The following MYLK4 variants were observed in gnomAD, a reference collection of about 807,000 sequenced individuals.
MYLK4 encodes the protein caMLCK like.
In MYLK4, 46 loss-of-function variants were observed where a neutral mutation model predicts 48.1. The ratio of observed to expected loss-of-function variants is 0.96; its 90% confidence interval spans 0.75 to 1.22. The LOEUF is 1.22. Among genes scored for constraint, MYLK4 ranks in the 50% most tolerant of loss-of-function variants. The pLI is 0.00. For synonymous variants in MYLK4, 170 were observed against 180.8 expected, an observed-to-expected ratio of 0.94 and a Z score of 0.48; for missense variants, 451 against 486.1, an observed-to-expected ratio of 0.93 and a Z score of 0.68.
intron 2 of MYLK4, among the ~76,000 whole-genome samples, chr6:2,724,692 C>A (rs1197253417): frequency 6.6e-6 from 1 of 152,054 alleles, no homozygotes; most frequent in Non-Finnish European, 1.5e-5. Context: ...TGTAATGATG[C>A]GGTGAACACA....
At chr6:2,678,194 CG>C (rs772868769) in intron 10 of MYLK4, 25 bp downstream of exon 10, 40 of 1,610,096 alleles carry the variant, frequency 2.5e-5, no homozygotes, top group Non-Finnish European at 3.3e-5. Flanking sequence ...CTACTGCGCC[CG>C]GAGCACAGGA....
Position 2,679,422 on chromosome 6 carries a change from G to A in MYLK4, c.759-14C>T. The A allele has an allele frequency of 6.2e-7, 1 of 1,614,130 alleles. No homozygotes were observed. The highest frequency in any genetic ancestry group is 8.5e-7 in the Non-Finnish European group (1 of 1,179,974). The stretch of plus-strand genomic sequence containing the variant: ...CTGGGTTTGTATCTGCAATTTAAGA[G>A]ACAAAGTGGAAGGATGGACGTGTCG... On this transcript the variant is annotated splice_polypyrimidine_tract_variant and intron_variant, in intron 8 of 12. Transcript: ENST00000274643.
Position 2,671,172 on chromosome 6 carries a change from G to A in MYLK4, c.*25+104C>T, listed in dbSNP as rs77931746. On this transcript the variant is annotated intron_variant, in intron 12 of 12. Coordinates refer to ENST00000274643, the MANE Select transcript of MYLK4 (RefSeq NM_001012418.5). ...CAGGGCCCTCCACGCCAGCCAAAACGCTGCTCTTCTTCCTGCATAGTCTGT... is the reference window on the plus strand; with the variant it reads ...CAGGGCCCTCCACGCCAGCCAAAACACTGCTCTTCTTCCTGCATAGTCTGT... 6.6e-3 allele frequency: 5,163 copies of A among 784,616 alleles called. 91 individuals carry two copies. The highest frequency in any genetic ancestry group is 0.048 in the African/African-American group (2,776 of 57,632). The allele number at this position is 784,616 out of a possible 1,614,324, so 48.6% of individuals were successfully genotyped here.
At chr6:2,758,247 A>G in the MYLK4 span, among the ~76,000 whole-genome samples, 1 of 152,106 alleles carries the variant, frequency 6.6e-6, no homozygotes, top group Non-Finnish European at 1.5e-5. Context: ...TCAACAGTGT[A>G]ACATCACTTA....
intron 2 of MYLK4, among the ~76,000 whole-genome samples, chr6:2,701,732 G>T (rs1013283490): frequency 2.6e-5 from 4 of 152,228 alleles, no homozygotes; most frequent in Non-Finnish European, 5.9e-5. Flanking sequence ...CGCAGCAGCA[G>T]CATCTCCTGG....
Position 2,666,896 on chromosome 6 carries a change from T to G in MYLK4, c.*1029A>C, listed in dbSNP as rs905706037. The G allele has an allele frequency of 6.6e-6, 1 of 152,252 alleles. No individual in the cohort carries two copies. Among genetic ancestry groups the G allele is most frequent in the Admixed American group, 6.5e-5 (1 of 15,286 alleles). 9.4% of individuals were successfully genotyped at this position (152,252 alleles called of 1,614,324 possible). A position where few individuals can be genotyped will look rare whatever the true frequency, so the allele number is the denominator to read the frequency against. ...CCCCACCTCTGGTGTCCGATTGAGA[T>G]TTCTTCACCACCATTGAGTCCCATG... On this transcript the variant is annotated 3_prime_UTR_variant, in exon 13 of 13. Coordinates refer to ENST00000274643, the MANE Select transcript of MYLK4 (RefSeq NM_001012418.5).
At position 2,685,339 on chromosome 6, in the gene MYLK4, C is replaced by T. The variant is rs953094849; in HGVS notation, c.502G>A (p.Asp168Asn). 5.6e-6 allele frequency: 9 copies of T among 1,613,582 alleles called. No homozygotes were observed. The highest frequency in any genetic ancestry group is 2.2e-5 in the East Asian group (1 of 44,860). Residue 168 changes from aspartate (D) to asparagine (N), a missense_variant, in exon 6 of 13, where the codon GAT (aspartate) becomes AAT (asparagine). Asp to Asn is a conservative substitution (Grantham distance 23). Transcript: ENST00000274643. This position sits in a 1 kb window ranked among gnomAD's most constrained non-coding sequence, Gnocchi z 4.5. ...LDHANLIQLY[D>N]AFESKNDIVL... ...ATGTCGTTCTTAGACTCGAAGGCAT[C>T]GTACAGCTGGATGAGGTTCGCGTGG...
rs538665968 is a variant in MYLK4 at position 2,676,252 on chromosome 6, A to G, written c.1041-1127T>C. 5.3e-5 allele frequency among the ~76,000 whole-genome samples: 8 copies of G among 152,340 alleles called. No individual in the cohort carries two copies. The South Asian group carries it at 1.4e-3, about 28-fold the overall frequency. On this transcript the variant is annotated intron_variant, in intron 10 of 12. Transcript: ENST00000274643. ...TCATCAGATACCAAAATATTTAAGTATAAGATTTGAAGAGGAGATAAGTCT... is the reference window on the plus strand; with the variant it reads ...TCATCAGATACCAAAATATTTAAGTGTAAGATTTGAAGAGGAGATAAGTCT...
At chr6:2,748,956 G>A (rs1482174907) in intron 2 of MYLK4, among the ~76,000 whole-genome samples, 180 bp downstream of exon 2, 4 of 152,140 alleles carry the variant, frequency 2.6e-5, no homozygotes, top group Non-Finnish European at 5.9e-5. Flanking sequence ...AGTTTCAAAG[G>A]CCTCCTAATT....
At chr6:2,764,345 G>A in the MYLK4 span, among the ~76,000 whole-genome samples, 1 of 152,192 alleles carries the variant, frequency 6.6e-6, no homozygotes, top group African/African-American at 2.4e-5. Flanking sequence ...CGGGCGCCCA[G>A]GAGTTCAAGG....
intron 2 of MYLK4, among the ~76,000 whole-genome samples, chr6:2,744,754 G>C (rs974109458): frequency 3.9e-5 from 6 of 152,132 alleles, no homozygotes; most frequent in Non-Finnish European, 2.9e-5. Flanking sequence ...GGCCATGCTT[G>C]TTTCTACCCC....
chr6:2,735,587 C>T (rs1005113496), intron 2 of MYLK4, among the ~76,000 whole-genome samples: 1 of 152,122 alleles, frequency 6.6e-6, no homozygotes, highest in Non-Finnish European at 1.5e-5. Flanking sequence ...GTGAAGGATA[C>T]AAAGAAATAC....
rs758075245 is a variant in MYLK4, at chr6:2,683,163, C to T, written c.546-1G>A. On this transcript the variant is annotated splice_acceptor_variant, in intron 6 of 12. Coordinates refer to ENST00000274643, the MANE Select transcript of MYLK4 (RefSeq NM_001012418.5). LOFTEE classifies it high-confidence loss of function. ...GTCAAACAGCTCCCCACCATCCACACTGCAGAGGGAAGAGGACTGAAACCC... is the reference window on the plus strand; with the variant it reads ...GTCAAACAGCTCCCCACCATCCACATTGCAGAGGGAAGAGGACTGAAACCC... 12 of 1,614,026 alleles carry T rather than the reference C, an allele frequency of 7.4e-6. No homozygotes were observed. In the East Asian group the frequency reaches 1.8e-4, roughly 24 times the overall value.
chr6:2,681,159 G>T (rs1243974077), intron 7 of MYLK4, among the ~76,000 whole-genome samples: 1 of 152,158 alleles, frequency 6.6e-6, no homozygotes, highest in Non-Finnish European at 1.5e-5. Context: ...TTACAAGCTG[G>T]AGGGCACCAT....
chr6:2,737,417 G>T (rs949420032), intron 2 of MYLK4, among the ~76,000 whole-genome samples: 2 of 152,276 alleles, frequency 1.3e-5, no homozygotes, highest in African/African-American at 4.8e-5. Context: ...TAGTACATGG[G>T]CATCTTATTC....
intron 2 of MYLK4, among the ~76,000 whole-genome samples, chr6:2,713,287 T>G (rs527627908): frequency 6.6e-6 from 1 of 151,918 alleles, no homozygotes; most frequent in South Asian, 2.1e-4. Context: ...GGAGAATCGC[T>G]TGAACCCAGG....
chr6:2,697,326 T>C (rs536390445), intron 2 of MYLK4, among the ~76,000 whole-genome samples: 1 of 152,372 alleles, frequency 6.6e-6, no homozygotes, highest in South Asian at 2.1e-4. Context: ...CAAACTCTTT[T>C]TCTCCTTCTG....
intron 2 of MYLK4, among the ~76,000 whole-genome samples, chr6:2,727,776 G>A (rs368431523): frequency 2.6e-5 from 4 of 151,922 alleles, no homozygotes; most frequent in Admixed American, 1.3e-4. Context: ...GTAAAACCCC[G>A]TTTCTACTAA....
intron 7 of MYLK4, 144 bp from the exon 8 acceptor site, chr6:2,680,435 T>C: frequency 6.6e-7 from 1 of 1,507,282 alleles, no homozygotes; most frequent in Non-Finnish European, 8.8e-7. Context: ...GTGTGGGTAC[T>C]TTCTCCTTTA....
Sources: allele counts gnomAD v4.1 joint callset (sites outside exome capture counted in the v4.1 genomes callset), GRCh38; gene constraint gnomAD v4.1.1; non-coding constraint Gnocchi (gnomAD v3.1); transcripts MANE v1.5; gene names NCBI Gene and HGNC (gene_info 2026-07-23, HGNC 2026-07-21).